The following UIMC1 variants were observed in gnomAD, a reference collection of about 807,000 sequenced individuals.
The protein encoded by UIMC1 is BRCA1-A complex subunit RAP80.
A neutral mutation model predicts 84.9 loss-of-function variants in UIMC1; 42 were observed. The observed-to-expected ratio is 0.49, with a 90% CI of 0.39 to 0.64. The LOEUF (loss-of-function observed/expected upper bound fraction) is 0.64. UIMC1 is among the 30% of genes least tolerant of loss of function. The pLI, the probability that UIMC1 is intolerant of heterozygous loss-of-function variation, is 0.00. For synonymous variants in UIMC1, 281 were observed against 293.0 expected (o/e 0.96, Z 0.42); for missense variants, 825 against 847.6 (o/e 0.97, Z 0.33).
intron 10 of UIMC1, among the ~76,000 whole-genome samples, chr5:176,927,084 AG>A (rs1489572660): frequency 6.6e-6 from 1 of 152,004 alleles, no homozygotes; most frequent in Non-Finnish European, 1.5e-5. Flanking sequence ...AGTAGTGGTC[AG>A]GTATGGTTGG....
At chr5:177,012,215 A>G (rs1775565715) in intron 1 of UIMC1, among the ~76,000 whole-genome samples, 2 of 152,184 alleles carry the variant, frequency 1.3e-5, no homozygotes, top group East Asian at 3.9e-4. Context: ...TCCCACATAA[A>G]GTTAAAACCC....
chr5:176,980,133 G>C (rs1770787649), intron 2 of UIMC1: 1 of 152,238 alleles, frequency 6.6e-6, no homozygotes, highest in Non-Finnish European at 1.5e-5. Context: ...CTTGTCCTCA[G>C]GCCTTCAGAC....
At chr5:176,912,960 G>A (rs967744393) in intron 10 of UIMC1, among the ~76,000 whole-genome samples, 28 of 152,182 alleles carry the variant, frequency 1.8e-4, no homozygotes, top group Admixed American at 5.2e-4. Flanking sequence ...GAGCCACTGC[G>A]CCCGGCCAAC....
intron 10 of UIMC1, among the ~76,000 whole-genome samples, chr5:176,917,623 A>C (rs1761177211): frequency 6.6e-6 from 1 of 152,212 alleles, no homozygotes; most frequent in East Asian, 1.9e-4. Flanking sequence ...AGTTTCTGAG[A>C]CATGTGGCTA....
intron 1 of UIMC1, among the ~76,000 whole-genome samples, chr5:177,005,879 C>A (rs12188563): frequency 0.13 from 19,780 of 152,096 alleles, 1,669 homozygotes; most frequent in East Asian, 0.19. Context: ...GTTAACTGAG[C>A]GGCAGGGCAC....
chr5:177,015,829 G>A (rs1775656985), intron 1 of UIMC1, among the ~76,000 whole-genome samples: 1 of 152,130 alleles, frequency 6.6e-6, no homozygotes, highest in African/African-American at 2.4e-5. Flanking sequence ...CAGCACTTTG[G>A]GAGGCTGAGA....
chr5:176,951,972 A>C (rs1252635931), intron 8 of UIMC1, among the ~76,000 whole-genome samples: 1 of 152,178 alleles, frequency 6.6e-6, no homozygotes, highest in Non-Finnish European at 1.5e-5. Context: ...ATGTTCCTAT[A>C]ATTTTGTCTC....
chr5:176,988,332 C>A (rs2149517225), intron 1 of UIMC1, among the ~76,000 whole-genome samples: 1 of 152,048 alleles, frequency 6.6e-6, no homozygotes, highest in East Asian at 1.9e-4. Context: ...GGTGTAGCCA[C>A]TATGGGGAAA....
chr5:176,997,118 C>G (rs555883579), intron 1 of UIMC1, among the ~76,000 whole-genome samples: 1 of 147,468 alleles, frequency 6.8e-6, no homozygotes, highest in East Asian at 2.0e-4. Flanking sequence ...CAGCCCTGTA[C>G]AGAACCAAGA....
intron 10 of UIMC1, among the ~76,000 whole-genome samples, chr5:176,933,870 T>C (rs1397559676): frequency 1.3e-5 from 2 of 151,934 alleles, no homozygotes; most frequent in African/African-American, 2.4e-5. Flanking sequence ...AAAAAATAGG[T>C]TAAAAAAAGT....
At chr5:177,003,247 G>A (rs955873627) in intron 1 of UIMC1, among the ~76,000 whole-genome samples, 2 of 152,180 alleles carry the variant, frequency 1.3e-5, no homozygotes, top group Non-Finnish European at 1.5e-5. Flanking sequence ...TTATATCCCA[G>A]TTTATACTCA....
At chr5:177,017,372 C>CT (rs1274011055) in intron 1 of UIMC1, among the ~76,000 whole-genome samples, 1 of 152,188 alleles carries the variant, frequency 6.6e-6, no homozygotes, top group Non-Finnish European at 1.5e-5. Context: ...GCCCACTAGC[C>CT]TTGGCTGTCA....
intron 12 of UIMC1, chr5:176,907,429 C>G (rs1381902088): frequency 2.7e-6 from 1 of 371,416 alleles, no homozygotes. Flanking sequence ...TGTCTACAGG[C>G]AGTGATCCCA....
chr5:176,933,115 A>G (rs1325289557), intron 10 of UIMC1, among the ~76,000 whole-genome samples: 1 of 152,192 alleles, frequency 6.6e-6, no homozygotes, highest in Non-Finnish European at 1.5e-5. Context: ...TAAATCTGGA[A>G]ATTTTGTGAG....
chr5:176,955,349 AAAT>A (rs1267653521), intron 8 of UIMC1, among the ~76,000 whole-genome samples: 3 of 152,216 alleles, frequency 2.0e-5, no homozygotes, highest in African/African-American at 7.2e-5. Flanking sequence ...CTAAGATTAA[AAAT>A]AATGACAGAA....
At chr5:176,951,893 C>A (rs766286851) in intron 8 of UIMC1, among the ~76,000 whole-genome samples, 4 of 152,178 alleles carry the variant, frequency 2.6e-5, no homozygotes, top group Non-Finnish European at 5.9e-5. Context: ...GTTCTCTGTA[C>A]CCCTCTGCAG....
At chr5:176,945,263 A>T (rs936828823) in intron 9 of UIMC1, among the ~76,000 whole-genome samples, 1 of 152,224 alleles carries the variant, frequency 6.6e-6, no homozygotes, top group Non-Finnish European at 1.5e-5. Flanking sequence ...GCTCCTCACA[A>T]ATCCAGGTTC....
intron 3 of UIMC1, among the ~76,000 whole-genome samples, chr5:176,971,257 T>A (rs1769158528): frequency 6.6e-6 from 1 of 152,240 alleles, no homozygotes. Flanking sequence ...GCTCAACATT[T>A]AGCCAGAACA....
At chr5:176,954,837 A>C (rs1386873255) in intron 8 of UIMC1, among the ~76,000 whole-genome samples, 1 of 152,036 alleles carries the variant, frequency 6.6e-6, no homozygotes, top group Non-Finnish European at 1.5e-5. Flanking sequence ...GTTTAAAAAT[A>C]TTTATAGGTC....
Sources: allele counts gnomAD v4.1 joint callset (sites outside exome capture counted in the v4.1 genomes callset), GRCh38; gene constraint gnomAD v4.1.1; transcripts MANE v1.5; gene names NCBI Gene and HGNC (gene_info 2026-07-23, HGNC 2026-07-21).